The following EFNA5 variants were observed in gnomAD, a reference collection of about 807,000 sequenced individuals.
EFNA5 encodes ephrin A5.
Under a neutral mutation model 22.9 loss-of-function variants are expected in EFNA5, and 5 were observed. The observed-to-expected ratio is 0.22, with a 90% confidence interval of 0.11 to 0.46. EFNA5 has a LOEUF of 0.46. Among genes scored for constraint, EFNA5 ranks in the 20% least tolerant of loss-of-function variants. The pLI, the probability that EFNA5 is intolerant of heterozygous loss-of-function variation, is 0.99. For missense variants in EFNA5, 237 were observed against 293.3 expected (o/e 0.81, Z 1.40); for synonymous variants, 113 against 112.2 (o/e 1.01, Z -0.04).
At chr5:107,435,947 T>C (rs1367401341) in intron 1 of EFNA5, among the ~76,000 whole-genome samples, 1 of 152,218 alleles carries the variant, frequency 6.6e-6, no homozygotes, top group African/African-American at 2.4e-5. Context: ...TGGCCAAATA[T>C]TTAGAATTCA....
At chr5:107,603,097 G>A (rs1460898872) in intron 1 of EFNA5, among the ~76,000 whole-genome samples, 1 of 152,166 alleles carries the variant, frequency 6.6e-6, no homozygotes, top group Non-Finnish European at 1.5e-5. Flanking sequence ...TTCTTGTAAT[G>A]ACTGTGACAT....
intron 1 of EFNA5, among the ~76,000 whole-genome samples, chr5:107,626,761 T>A (rs1750149544): frequency 6.6e-6 from 1 of 152,238 alleles, no homozygotes. Flanking sequence ...AGCATTATTT[T>A]CAGTACATTT....
intron 1 of EFNA5, among the ~76,000 whole-genome samples, chr5:107,603,802 T>C (rs1000443687): frequency 1.3e-5 from 2 of 152,218 alleles, no homozygotes. Flanking sequence ...AAATTTCTTT[T>C]ACAAGAGCAA....
At chr5:107,570,656 TG>T (rs1218580489) in intron 1 of EFNA5, among the ~76,000 whole-genome samples, 2 of 59,208 alleles carry the variant, frequency 3.4e-5, no homozygotes, top group Non-Finnish European at 6.8e-5. Flanking sequence ...TGTGTGGGGG[TG>T]GGGGCGGGCA....
chr5:107,459,440 G>C (rs1305497086), intron 1 of EFNA5, among the ~76,000 whole-genome samples: 1 of 151,416 alleles, frequency 6.6e-6, no homozygotes. Flanking sequence ...CAGAAAAATA[G>C]ATGGTTAAAG....
chr5:107,631,063 C>T (rs1205947143), intron 1 of EFNA5, among the ~76,000 whole-genome samples: 1 of 151,984 alleles, frequency 6.6e-6, no homozygotes, highest in Non-Finnish European at 1.5e-5. Context: ...CAAGGACCTG[C>T]CTGAGGCTGT....
Position 107,380,301 on chromosome 5 carries a change from T to C in EFNA5, c.*954A>G, listed in dbSNP as rs1747403389. On this transcript the variant is annotated 3_prime_UTR_variant, in exon 5 of 5. Coordinates refer to ENST00000333274, the MANE Select transcript of EFNA5 (RefSeq NM_001962.3). Reference sequence around the variant, plus strand: ...AGGAGTATCCAAAGCTATTCCACTATGCACTCATCAACCCTGGCTTGTCAG... The same window carrying C: ...AGGAGTATCCAAAGCTATTCCACTACGCACTCATCAACCCTGGCTTGTCAG... The C allele has an allele frequency of 7.2e-6, 1 of 139,192 alleles. No homozygotes were observed. Among genetic ancestry groups the C allele is most frequent in the Non-Finnish European group, 1.5e-5 (1 of 66,534 alleles). 8.6% of individuals were successfully genotyped at this position (139,192 alleles called of 1,614,324 possible). A position where few individuals can be genotyped will look rare whatever the true frequency, so the allele number is the denominator to read the frequency against.
intron 1 of EFNA5, among the ~76,000 whole-genome samples, chr5:107,626,268 T>C (rs1038716844): frequency 6.6e-6 from 1 of 151,582 alleles, no homozygotes; most frequent in Non-Finnish European, 1.5e-5. Flanking sequence ...GTATGTCTTC[T>C]TTTTTTTTCT....
Position 107,415,170 on chromosome 5 carries a change from G to C in EFNA5, c.418+12047C>G, listed in dbSNP as rs537428094. ...TAACACGTACCTGTGATAAAGTATG[G>C]ATGAGATTATATATATATATATACA... On this transcript the variant is annotated intron_variant, in intron 2 of 4. Transcript: ENST00000333274. 3.9e-5 allele frequency among the ~76,000 whole-genome samples: 6 copies of C among 152,010 alleles called. No homozygotes were observed. In the South Asian group the frequency reaches 1.2e-3, roughly 32 times the overall value.
Position 107,531,522 on chromosome 5 carries a change from G to A in EFNA5, c.126-104013C>T, listed in dbSNP as rs192123983. On this transcript the variant is annotated intron_variant, in intron 1 of 4. Coordinates refer to ENST00000333274, the MANE Select transcript of EFNA5 (RefSeq NM_001962.3). ...CCTCCAATACCTGAAGGGCTGTCAT[G>A]CAGAATAGATCTTTCTCTGTGCCAC... is the stretch of plus-strand genomic sequence containing the variant. Among the ~76,000 whole-genome samples the A allele has an allele frequency of 1.1e-4, 17 of 152,316 alleles. No individual in the cohort carries two copies. The East Asian group carries it at 3.3e-3, about 29-fold the overall frequency.
intron 1 of EFNA5, among the ~76,000 whole-genome samples, chr5:107,445,156 T>G (rs1175687351): frequency 6.6e-6 from 1 of 152,032 alleles, no homozygotes; most frequent in Admixed American, 6.6e-5. Flanking sequence ...CCGAGTAGCT[T>G]GGATTACAGG....
At chr5:107,588,705 T>C (rs1749247727) in intron 1 of EFNA5, among the ~76,000 whole-genome samples, 2 of 152,214 alleles carry the variant, frequency 1.3e-5, no homozygotes, top group Admixed American at 1.3e-4. Context: ...ATTTAGCAAC[T>C]GTTAGTGCCC....
chr5:107,661,660 G>T (rs1554071892), intron 1 of EFNA5, among the ~76,000 whole-genome samples: 1 of 152,134 alleles, frequency 6.6e-6, no homozygotes, highest in Non-Finnish European at 1.5e-5. Flanking sequence ...CCCATACTTA[G>T]AATTATTTTT....
At chr5:107,574,855 A>C (rs1441659954) in intron 1 of EFNA5, among the ~76,000 whole-genome samples, 1 of 152,184 alleles carries the variant, frequency 6.6e-6, no homozygotes, top group Non-Finnish European at 1.5e-5. Flanking sequence ...GGCTTAAGAT[A>C]AGGGAGATAA....
At chr5:107,580,371 C>CT (rs1455759188) in intron 1 of EFNA5, among the ~76,000 whole-genome samples, 2 of 152,130 alleles carry the variant, frequency 1.3e-5, no homozygotes, top group Non-Finnish European at 2.9e-5. Context: ...CAAGGATCTT[C>CT]TTCTCTTCAT....
intron 1 of EFNA5, among the ~76,000 whole-genome samples, chr5:107,462,129 C>A (rs1162863546): frequency 3.9e-5 from 6 of 152,058 alleles, no homozygotes; most frequent in Non-Finnish European, 7.4e-5. Flanking sequence ...GACACACACA[C>A]CCCACGCAAA....
At chr5:107,624,530 G>C (rs1469419171) in intron 1 of EFNA5, among the ~76,000 whole-genome samples, 1 of 152,194 alleles carries the variant, frequency 6.6e-6, no homozygotes, top group East Asian at 1.9e-4. Flanking sequence ...GTCCAGCACA[G>C]GTGTCTATAT....
intron 1 of EFNA5, among the ~76,000 whole-genome samples, chr5:107,633,861 TTTTC>T (rs537423342): frequency 2.6e-5 from 4 of 152,206 alleles, no homozygotes; most frequent in Non-Finnish European, 4.4e-5. Context: ...TCCAAAGAAC[TTTTC>T]TTTCTTTCTT....
intron 1 of EFNA5, among the ~76,000 whole-genome samples, chr5:107,583,362 T>C (rs1036156725): frequency 6.6e-6 from 1 of 152,070 alleles, no homozygotes; most frequent in African/African-American, 2.4e-5. Flanking sequence ...AAAAAGAAAA[T>C]ATGAAAATAT....
Sources: gnomAD v4.1 joint callset for allele counts (sites outside exome capture counted in the v4.1 genomes callset) on GRCh38, gnomAD v4.1.1 for gene constraint, MANE v1.5 for transcripts, NCBI Gene and HGNC (gene_info 2026-07-23, HGNC 2026-07-21) for gene names.